Variants in GLIPR2 observed in about 807,000 individuals in gnomAD.
GLIPR2 encodes the protein GLI pathogenesis related 2.
A neutral mutation model predicts 20.4 loss-of-function variants in GLIPR2; 21 were observed. The ratio of observed to expected loss-of-function variants is 1.03; its 90% CI spans 0.73 to 1.48. The LOEUF (loss-of-function observed/expected upper bound fraction) is 1.48, where lower values mean the gene tolerates loss of function less well. Among genes scored for constraint, GLIPR2 ranks in the 40% most tolerant of loss-of-function variants. The pLI is 0.00. For synonymous variants in GLIPR2, 91 were observed against 80.5 expected (o/e 1.13, Z -0.70); for missense variants, 205 against 200.1 (o/e 1.02, Z -0.15).
At chr9:36,154,122 G>A (rs1288617631) in intron 4 of GLIPR2, among the ~76,000 whole-genome samples, 1 of 144,328 alleles carries the variant, frequency 6.9e-6, no homozygotes, top group Non-Finnish European at 1.5e-5. Context: ...TTGAGACCGA[G>A]TCTCACTCCG....
intron 1 of GLIPR2, among the ~76,000 whole-genome samples, chr9:36,142,061 C>T (rs1272189896): frequency 6.6e-6 from 1 of 152,146 alleles, no homozygotes; most frequent in African/African-American, 2.4e-5. Flanking sequence ...ACTCTGCAGT[C>T]CCTGATATCC....
rs1364307953 is a variant in GLIPR2 at position 36,154,082 on chromosome 9, AT to A, written c.304+3135del. On this transcript the variant is annotated intron_variant, in intron 4 of 4. Transcript: ENST00000377960. ...ATATATTATATATTATATATTATAT[AT>A]TATATATATATATCTTTTCCCCCCC... Among the ~76,000 whole-genome samples the A allele has an allele frequency of 1.4e-3, 117 of 85,418 alleles. 1 individual carries two copies. Among genetic ancestry groups the A allele is most frequent in the African/African-American group, 4.3e-3 (107 of 25,074 alleles). 56.0% of individuals were successfully genotyped at this position (85,418 alleles called of 152,430 possible). A position where few individuals can be genotyped will look rare whatever the true frequency, so the allele number is the denominator to read the frequency against.
Position 36,163,022 on chromosome 9 carries a change from G to A in GLIPR2, c.*500G>A. On this transcript the variant is annotated 3_prime_UTR_variant, in exon 5 of 5. Transcript: ENST00000377960. ...CATAAATACAAAGCAGCTTCCATCA[G>A]GAACATGGAGCAGGCAGGGACTCCA... is the stretch of plus-strand genomic sequence containing the variant. 1 of 402,842 alleles carries A rather than the reference G, an allele frequency of 2.5e-6. No homozygotes were observed. The highest frequency in any genetic ancestry group is 4.9e-6 in the Non-Finnish European group (1 of 204,928). The allele number at this position is 402,842 out of a possible 1,614,324, so 25.0% of individuals were successfully genotyped here.
At chr9:36,147,761 A>T (rs747501748) in intron 1 of GLIPR2, 25 bp from the exon 2 acceptor site, 10 of 1,004,302 alleles carry the variant, frequency 1.0e-5, no homozygotes, top group African/African-American at 7.9e-5. Context: ...GCACTGAGCC[A>T]TTCTCCATTT....
At chr9:36,140,667 T>C (rs1825032214) in intron 1 of GLIPR2, among the ~76,000 whole-genome samples, 1 of 152,118 alleles carries the variant, frequency 6.6e-6, no homozygotes, top group Admixed American at 6.5e-5. Context: ...CAACTCGTCA[T>C]AGACATCATT....
chr9:36,159,038 C>T (rs1825950197), intron 4 of GLIPR2, among the ~76,000 whole-genome samples: 1 of 152,054 alleles, frequency 6.6e-6, no homozygotes, highest in African/African-American at 2.4e-5. Flanking sequence ...GCACTCCAGC[C>T]TAGACAACAG....
intron 1 of GLIPR2, chr9:36,141,760 C>T (rs1475655867): frequency 2.2e-6 from 1 of 447,658 alleles, no homozygotes; most frequent in South Asian, 1.6e-5. Flanking sequence ...CTCAAGCGAT[C>T]CTCCCATCTC....
At chr9:36,140,100 T>G (rs1268601434) in intron 1 of GLIPR2, among the ~76,000 whole-genome samples, 1 of 152,172 alleles carries the variant, frequency 6.6e-6, no homozygotes, top group East Asian at 1.9e-4. Context: ...GAATTTGAAC[T>G]CAGCTCTCTG....
At chr9:36,150,662 C>T (rs1195074334) in intron 3 of GLIPR2, among the ~76,000 whole-genome samples, 2 of 152,156 alleles carry the variant, frequency 1.3e-5, no homozygotes, top group East Asian at 3.8e-4. Context: ...CTTCCCAGCC[C>T]CCCAGAAGGC....
At chr9:36,143,821 G>T (rs922060457) in intron 1 of GLIPR2, among the ~76,000 whole-genome samples, 1 of 152,122 alleles carries the variant, frequency 6.6e-6, no homozygotes, top group African/African-American at 2.4e-5. Flanking sequence ...CCTTTTGGTC[G>T]CCAGAAAGCT....
At chr9:36,149,859 C>G (rs140509908) in intron 3 of GLIPR2, among the ~76,000 whole-genome samples, 2,331 of 152,272 alleles carry the variant, frequency 0.015, 61 homozygotes, top group African/African-American at 0.053. Context: ...GAAACCCCAT[C>G]TGTACTAAAA....
intron 1 of GLIPR2, among the ~76,000 whole-genome samples, chr9:36,141,517 T>C (rs17835038): frequency 0.063 from 9,538 of 152,114 alleles, 365 homozygotes; most frequent in Middle Eastern, 0.11. Flanking sequence ...GGCTCTTTCA[T>C]GAGGAGCCTG....
intron 1 of GLIPR2, among the ~76,000 whole-genome samples, chr9:36,143,485 A>T (rs1190117927): frequency 1.3e-5 from 2 of 151,960 alleles, no homozygotes; most frequent in East Asian, 3.9e-4. Flanking sequence ...GCTAGAAGGG[A>T]CTTTAGGATG....
intron 3 of GLIPR2, among the ~76,000 whole-genome samples, chr9:36,150,465 G>A (rs1415579952): frequency 6.6e-6 from 1 of 152,196 alleles, no homozygotes; most frequent in African/African-American, 2.4e-5. Flanking sequence ...CTGCAAATGG[G>A]GTGAGATGAC....
intron 1 of GLIPR2, among the ~76,000 whole-genome samples, chr9:36,143,443 G>A (rs1319409697): frequency 6.6e-6 from 1 of 152,158 alleles, no homozygotes; most frequent in African/African-American, 2.4e-5. Context: ...GGTGTCCCAC[G>A]AGACCCACCG....
Position 36,162,761 on chromosome 9 carries a change from T to TG in GLIPR2, c.*245dup, listed in dbSNP as rs1826113016. 2 of 512,534 alleles carry TG rather than the reference T, an allele frequency of 3.9e-6. No homozygotes were observed. The highest frequency in any genetic ancestry group is 7.0e-6 in the Non-Finnish European group (2 of 285,406). 31.7% of individuals were successfully genotyped at this position (512,534 alleles called of 1,614,324 possible). On this transcript the variant is annotated 3_prime_UTR_variant, in exon 5 of 5. Coordinates refer to ENST00000377960, the MANE Select transcript of GLIPR2 (RefSeq NM_022343.4). ...TTACCTAGACCACGATTATTTGGAT[T>TG]GGGGGGAGGGGGGATCCGTTTTTTT...
chr9:36,137,911 C>G lies in GLIPR2; in HGVS notation c.13+1120C>G, dbSNP rs532154697. ...TTCCCTGGCCTTGGTCCTAACCAGC[C>G]TTCCTAGGCTGTAGAGGCAGGTCTG... On this transcript the variant is annotated intron_variant, in intron 1 of 4. Coordinates refer to ENST00000377960, the MANE Select transcript of GLIPR2 (RefSeq NM_022343.4). Among the ~76,000 whole-genome samples, 137 of 152,370 alleles carry G rather than the reference C, an allele frequency of 9.0e-4. 1 individual carries two copies. Among genetic ancestry groups the G allele is most frequent in the African/African-American group, 3.2e-3 (134 of 41,604 alleles).
At chr9:36,147,179 C>A (rs1209385847) in intron 1 of GLIPR2, among the ~76,000 whole-genome samples, 1 of 152,184 alleles carries the variant, frequency 6.6e-6, no homozygotes, top group African/African-American at 2.4e-5. Flanking sequence ...CTCGCCCTCA[C>A]ACTCTGCTTC....
chr9:36,159,024 C>G (rs1825949725), intron 4 of GLIPR2, among the ~76,000 whole-genome samples: 1 of 152,008 alleles, frequency 6.6e-6, no homozygotes, highest in Admixed American at 6.6e-5. Context: ...ACGATCGCGC[C>G]ACTGCACTCC....
Sources: allele counts gnomAD v4.1 joint callset (sites outside exome capture counted in the v4.1 genomes callset), GRCh38; gene constraint gnomAD v4.1.1; transcripts MANE v1.5; gene names NCBI Gene and HGNC (gene_info 2026-07-23, HGNC 2026-07-21).